CNTN5: variants seen among roughly 807,000 people sequenced by gnomAD.
CNTN5 encodes the protein contactin 5.
A neutral mutation model predicts 129.1 loss-of-function variants in CNTN5; 77 were observed. That is an observed-to-expected ratio of 0.60 (90% confidence interval 0.50 to 0.72). The LOEUF (loss-of-function observed/expected upper bound fraction) is 0.72. Among genes scored for constraint, CNTN5 ranks in the 30% least tolerant of loss-of-function variants. The pLI is 0.00. For missense variants in CNTN5, 1,478 were observed against 1,328.8 expected (o/e 1.11, Z -1.75); for synonymous variants, 509 against 465.6 (o/e 1.09, Z -1.20).
intron 1 of CNTN5, among the ~76,000 whole-genome samples, chr11:99,255,396 T>G (rs2135805353): frequency 6.6e-6 from 1 of 151,874 alleles, no homozygotes. Context: ...TTGGAATAAA[T>G]ATATTTTATG....
chr11:100,204,295 CTAATATATATATATATATATATAT>C lies in CNTN5; in HGVS notation c.1884+10633_1884+10656del, dbSNP rs1487035740. Among the ~76,000 whole-genome samples, 12 of 27,708 alleles carry C rather than the reference CTAATATATATATATATATATATAT, an allele frequency of 4.3e-4. 2 individuals are homozygous for C. The East Asian group carries it at 6.9e-3, about 16-fold the overall frequency. 18.2% of individuals were successfully genotyped at this position (27,708 alleles called of 152,430 possible). A position where few individuals can be genotyped will look rare whatever the true frequency, so the allele number is the denominator to read the frequency against. On this transcript the variant is annotated intron_variant, in intron 15 of 24. Transcript: ENST00000524871. ...TAGCTCACCAAGAAACAAACATTGA[CTAATATATATATATATATATATAT>C]ATATATATATATATATATATATATA... is the stretch of plus-strand genomic sequence containing the variant.
intron 2 of CNTN5, among the ~76,000 whole-genome samples, chr11:99,350,782 A>G (rs1257891564): frequency 6.6e-6 from 1 of 152,076 alleles, no homozygotes; most frequent in African/African-American, 2.4e-5. Context: ...GAAAACAATC[A>G]GAATAGTGGC....
At chr11:99,964,794 T>C (rs1254424616) in intron 8 of CNTN5, among the ~76,000 whole-genome samples, 1 of 151,938 alleles carries the variant, frequency 6.6e-6, no homozygotes, top group Non-Finnish European at 1.5e-5. Flanking sequence ...GGTCCTGGAC[T>C]TTTTTTTGGT....
chr11:99,787,496 A>G (rs1381550323), intron 3 of CNTN5, among the ~76,000 whole-genome samples: 4 of 108,970 alleles, frequency 3.7e-5, no homozygotes, highest in Non-Finnish European at 7.4e-5. Context: ...TTAGTTGCAA[A>G]GAGAAAAGTA....
rs144530916 is a variant in CNTN5 at position 99,979,354 on chromosome 11, T to C, written c.877+22345T>C. Among the ~76,000 whole-genome samples, 138 of 152,212 alleles carry C rather than the reference T, an allele frequency of 9.1e-4. No homozygotes were observed. In the South Asian group the frequency reaches 0.012, roughly 13 times the overall value. On this transcript the variant is annotated intron_variant, in intron 8 of 24. Coordinates refer to ENST00000524871, the MANE Select transcript of CNTN5 (RefSeq NM_014361.4). ...AGCATTTGCACAGAGGAGTTGACAT[T>C]TGAGTACAGTGCTGATGAAAGAAAA...
chr11:99,599,628 T>G (rs932100951), intron 3 of CNTN5, among the ~76,000 whole-genome samples: 1 of 152,166 alleles, frequency 6.6e-6, no homozygotes, highest in Non-Finnish European at 1.5e-5. Flanking sequence ...TTAATCTCCC[T>G]TCCTCCTGAT....
intron 3 of CNTN5, among the ~76,000 whole-genome samples, chr11:99,799,786 C>G (rs1946058157): frequency 6.6e-6 from 1 of 151,938 alleles, no homozygotes; most frequent in African/African-American, 2.4e-5. Context: ...GAAGCCCCTC[C>G]TCTTGAATTT....
At chr11:100,120,462 G>A (rs911513011) in intron 13 of CNTN5, among the ~76,000 whole-genome samples, 1 of 151,696 alleles carries the variant, frequency 6.6e-6, no homozygotes, top group African/African-American at 2.4e-5. Flanking sequence ...TATTAGTATA[G>A]TCAAGAAAAA....
At chr11:99,273,761 A>G (rs1863290819) in intron 1 of CNTN5, among the ~76,000 whole-genome samples, 1 of 151,164 alleles carries the variant, frequency 6.6e-6, no homozygotes, top group South Asian at 2.1e-4. Flanking sequence ...AGATCTTAAT[A>G]AAAATTAGAT....
intron 8 of CNTN5, among the ~76,000 whole-genome samples, chr11:100,000,576 A>G (rs1414909105): frequency 2.6e-5 from 4 of 152,112 alleles, no homozygotes; most frequent in East Asian, 1.9e-4. Flanking sequence ...CTGTGGATCC[A>G]CCATTCTGGG....
At chr11:99,215,759 T>A (rs768011664) in intron 1 of CNTN5, among the ~76,000 whole-genome samples, 2 of 152,168 alleles carry the variant, frequency 1.3e-5, no homozygotes, top group African/African-American at 4.8e-5. Flanking sequence ...GCTCTACTAC[T>A]CTCTCAGACT....
rs1431030233 is a variant in CNTN5, at chr11:99,619,539, T to A, written c.55+63270T>A. The stretch of plus-strand genomic sequence containing the variant: ...GTTACTTTACTGAAGTTCTGCTTGA[T>A]TGTGATTTTTAAGAGTAGAAAAAGT... On this transcript the variant is annotated intron_variant, in intron 3 of 24. Transcript: ENST00000524871. Among the ~76,000 whole-genome samples, 4 of 152,082 alleles carry A rather than the reference T, an allele frequency of 2.6e-5. No homozygotes were observed. The East Asian group carries it at 7.7e-4, about 29-fold the overall frequency.
intron 2 of CNTN5, among the ~76,000 whole-genome samples, chr11:99,328,327 C>T (rs1865865838): frequency 6.6e-6 from 1 of 152,054 alleles, no homozygotes; most frequent in Non-Finnish European, 1.5e-5. Flanking sequence ...AGCAATCTTT[C>T]AAGGGTCATG....
intron 15 of CNTN5, among the ~76,000 whole-genome samples, chr11:100,200,364 T>G (rs1252218146): frequency 6.6e-6 from 1 of 151,966 alleles, no homozygotes; most frequent in Non-Finnish European, 1.5e-5. Context: ...AGCCATCCAA[T>G]TCATAGGCTG....
At chr11:100,328,429 A>C (rs1017319182) in intron 21 of CNTN5, among the ~76,000 whole-genome samples, 1 of 152,172 alleles carries the variant, frequency 6.6e-6, no homozygotes, top group African/African-American at 2.4e-5. Flanking sequence ...GTAATTGATA[A>C]AGAAAAAAGG....
At chr11:99,608,983 A>G (rs1950516243) in intron 3 of CNTN5, among the ~76,000 whole-genome samples, 1 of 152,148 alleles carries the variant, frequency 6.6e-6, no homozygotes, top group African/African-American at 2.4e-5. Context: ...TTTCTCACTG[A>G]TAAATATGCA....
rs1161437822 is a variant in CNTN5, at chr11:99,276,340, AC to A, written c.-209-49005del. Among the ~76,000 whole-genome samples, 4 of 151,826 alleles carry A rather than the reference AC, an allele frequency of 2.6e-5. No homozygotes were observed. In the East Asian group the frequency reaches 7.8e-4, roughly 29 times the overall value. Reference sequence around the variant, plus strand: ...TGAACGCAGAAAAACAGGTAACAAAACATATTTATGTTCTGAAATAATAAAA... The same window carrying A: ...TGAACGCAGAAAAACAGGTAACAAAAATATTTATGTTCTGAAATAATAAAA... On this transcript the variant is annotated intron_variant, in intron 1 of 24. Coordinates refer to ENST00000524871, the MANE Select transcript of CNTN5 (RefSeq NM_014361.4).
At chr11:99,045,179 T>C (rs960265885) in intron 1 of CNTN5, among the ~76,000 whole-genome samples, 1 of 152,230 alleles carries the variant, frequency 6.6e-6, no homozygotes, top group Non-Finnish European at 1.5e-5. Context: ...AGAAGGAAGA[T>C]AAAATCATTT....
At chr11:99,366,767 A>G (rs1875889) in intron 2 of CNTN5, among the ~76,000 whole-genome samples, 150,058 of 152,232 alleles carry the variant, frequency 0.99, 74,027 homozygotes, top group Non-Finnish European at 1. Flanking sequence ...CATCTTTGAT[A>G]AGGAAAGATT....
Sources: gnomAD v4.1 joint callset for allele counts (sites outside exome capture counted in the v4.1 genomes callset) on GRCh38, gnomAD v4.1.1 for gene constraint, MANE v1.5 for transcripts, NCBI Gene and HGNC (gene_info 2026-07-23, HGNC 2026-07-21) for gene names.